LGALS16: variants seen among roughly 807,000 people sequenced by gnomAD.
LGALS16 encodes galectin 16.
LGALS16 carries 15 observed loss-of-function variants against 13.2 expected under a neutral mutation model. The observed-to-expected ratio is 1.13, with a 90% CI of 0.76 to 1.75. The LOEUF (loss-of-function observed/expected upper bound fraction) is 1.75. Among genes scored for constraint, LGALS16 ranks in the 40% most tolerant of loss-of-function variants. The probability of loss-of-function intolerance (pLI) is 0.00; values close to 1 mark genes in which losing one functional copy is unlikely to be tolerated. For missense variants in LGALS16, 198 were observed against 178.4 expected, an observed-to-expected ratio of 1.11 and a Z score of -0.63; for synonymous variants, 66 against 65.4, an observed-to-expected ratio of 1.01 and a Z score of -0.05.
chr19:39,659,933 C>T (rs1349533102), intron 3 of LGALS16, among the ~76,000 whole-genome samples: 2 of 152,182 alleles, frequency 1.3e-5, no homozygotes. Flanking sequence ...GGGTTTCATT[C>T]TTTGCCATTA....
chr19:39,657,645 G>C (rs984453882), intron 1 of LGALS16, among the ~76,000 whole-genome samples: 3 of 152,162 alleles, frequency 2.0e-5, no homozygotes, highest in African/African-American at 7.2e-5. Context: ...AGATTGCACT[G>C]CTAGTAAGAG....
At chr19:39,658,748 C>A in intron 3 of LGALS16, 78 bp downstream of exon 3, 1 of 917,026 alleles carries the variant, frequency 1.1e-6, no homozygotes, top group Non-Finnish European at 1.7e-6. Context: ...GACCTGGCCT[C>A]ACCAGTCCCT....
rs544070747 is a variant in LGALS16 at position 39,660,394 on chromosome 19, G to A, written c.304-1G>A. The A allele has an allele frequency of 6.5e-7, 1 of 1,540,558 alleles. No homozygotes were observed. Among genetic ancestry groups the A allele is most frequent in the African/African-American group, 1.4e-5 (1 of 73,274 alleles). ...TTTCTGATGCATTTTTCCTCTTAAA[G>A]GTAAAGGTAAATGGTGAATACATTT... is the stretch of plus-strand genomic sequence containing the variant. On this transcript the variant is annotated splice_acceptor_variant, in intron 3 of 3. Transcript: ENST00000392051. LOFTEE classifies it high-confidence loss of function.
chr19:39,656,079 T>C, intron 1 of LGALS16, 103 bp downstream of exon 1: 1 of 1,219,244 alleles, frequency 8.2e-7, no homozygotes, highest in Non-Finnish European at 1.2e-6. Context: ...CTACTGTGAA[T>C]GCTTTACTGA....
chr19:39,656,156 G>T (rs1423158448), intron 1 of LGALS16, among the ~76,000 whole-genome samples, 180 bp downstream of exon 1: 1 of 152,166 alleles, frequency 6.6e-6, no homozygotes, highest in Non-Finnish European at 1.5e-5. Context: ...CATGTGGGTT[G>T]TGGATCCTGG....
rs1411697670 is a variant in LGALS16, at chr19:39,657,736, G to A, written c.16-147G>A. The A allele has an allele frequency of 5.8e-6, 5 of 865,188 alleles. No homozygotes were observed. In the East Asian group the frequency reaches 1.3e-4, roughly 22 times the overall value. The allele number at this position is 865,188 out of a possible 1,614,324, so 53.6% of individuals were successfully genotyped here. On this transcript the variant is annotated intron_variant, in intron 1 of 3. Coordinates refer to ENST00000392051, the MANE Select transcript of LGALS16 (RefSeq NM_001190441.3). ...ATGGGTCCACCATACCTTCAGGAAT[G>A]TGGGGCCCTGACTGTGGTAGAGTGA...
At position 39,658,552 on chromosome 19, in the gene LGALS16, T is replaced by C; in HGVS notation, c.185T>C (p.Val62Ala). The change falls in exon 3 of 4, where the codon GTG becomes GCG. Residue 62 changes from valine (V) to alanine (A), a missense_variant. Val to Ala is a moderately conservative substitution (Grantham distance 64). Coordinates refer to ENST00000392051, the MANE Select transcript of LGALS16 (RefSeq NM_001190441.3). ...TTGCGAGTGCACTTAGGCCGTCGTG[T>C]GGTCATGAACAGTCGTGAGTTTGGG... Reference protein sequence around the residue: ...FHLRVHLGRRVVMNSREFGIW... With the variant: ...FHLRVHLGRRAVMNSREFGIW... The C allele has an allele frequency of 6.2e-7, 1 of 1,608,922 alleles. No individual in the cohort carries two copies. The highest frequency in any genetic ancestry group is 8.5e-7 in the Non-Finnish European group (1 of 1,178,990).
intron 3 of LGALS16, 128 bp from the exon 4 acceptor site, chr19:39,660,267 C>A: frequency 3.5e-6 from 3 of 854,602 alleles, no homozygotes; most frequent in Non-Finnish European, 5.4e-6. Context: ...AGAAGTGTAT[C>A]TACAACATTC....
intron 1 of LGALS16, 31 bp from the exon 2 acceptor site, chr19:39,657,852 C>A (rs952485828): frequency 1.1e-5 from 17 of 1,609,840 alleles, no homozygotes; most frequent in Admixed American, 5.0e-5. Flanking sequence ...CCTGACCCTG[C>A]ACCTCTCACT....
intron 3 of LGALS16, among the ~76,000 whole-genome samples, chr19:39,659,732 T>C (rs146499238): frequency 6.6e-6 from 1 of 152,362 alleles, no homozygotes; most frequent in East Asian, 1.9e-4. Flanking sequence ...TTAATACTAA[T>C]AAGGTGACTC....
At chr19:39,658,719 G>A in intron 3 of LGALS16, 49 bp downstream of exon 3, 1 of 1,215,714 alleles carries the variant, frequency 8.2e-7, no homozygotes, top group East Asian at 2.5e-5. Context: ...GGATCCCAGA[G>A]CAGGAGTCAG....
intron 3 of LGALS16, among the ~76,000 whole-genome samples, 172 bp from the exon 4 acceptor site, chr19:39,660,223 T>TTAGAAATAAG (rs1193362056): frequency 6.6e-6 from 1 of 152,186 alleles, no homozygotes; most frequent in Non-Finnish European, 1.5e-5. Context: ...GGTCAGCAAC[T>TTAGAAATAAG]GTCTCAAATA....
chr19:39,658,776 A>T lies in LGALS16; in HGVS notation c.303+106A>T, dbSNP rs147244273. ...CAGTCCCTCAGGGCCCATCTCCCGT[A>T]ACTACCCCTGCCCCAGGTTTTCATC... On this transcript the variant is annotated intron_variant, in intron 3 of 3. Coordinates refer to ENST00000392051, the MANE Select transcript of LGALS16 (RefSeq NM_001190441.3). 14 of 711,676 alleles carry T rather than the reference A, an allele frequency of 2.0e-5. No individual in the cohort carries two copies. In the East Asian group the frequency reaches 3.8e-4, roughly 19 times the overall value. The allele number at this position is 711,676 out of a possible 1,614,324, so 44.1% of individuals were successfully genotyped here.
chr19:39,657,932 T>C lies in LGALS16; in HGVS notation c.65T>C (p.Ile22Thr). 6.2e-7 allele frequency: 1 copy of C among 1,614,016 alleles called. No homozygotes were observed. Among genetic ancestry groups the C allele is most frequent in the Admixed American group, 1.7e-5 (1 of 60,026 alleles). The change falls in exon 2 of 4, where the codon ATC (isoleucine) becomes ACC (threonine). Residue 22 changes from isoleucine (I) to threonine (T), a missense_variant. Transcript: ENST00000392051. ...VSLSVGSCVI[I>T]KGTLIDSSIN... ...TTGTCTGTTGGTTCCTGCGTGATAA[T>C]CAAAGGGACACTGATCGACTCTTCT...
In LGALS16 at chr19:39,660,526, C is replaced by T; in HGVS notation, c.*6C>T. On this transcript the variant is annotated 3_prime_UTR_variant, in exon 4 of 4. Transcript: ENST00000392051. The stretch of plus-strand genomic sequence containing the variant: ...TCAACAATGGACGGAGATGATCACA[C>T]TCCTCATTGTTGAGGAAACCCTCTT... 1 of 1,550,394 alleles carries T rather than the reference C, an allele frequency of 6.4e-7. No individual in the cohort carries two copies. The highest frequency in any genetic ancestry group is 8.7e-7 in the Non-Finnish European group (1 of 1,153,160).
Position 39,660,528 on chromosome 19 carries a change from C to G in LGALS16, c.*8C>G, listed in dbSNP as rs536730057. 6.4e-7 allele frequency: 1 copy of G among 1,550,520 alleles called. No individual in the cohort carries two copies. Among genetic ancestry groups the G allele is most frequent in the East Asian group, 2.4e-5 (1 of 42,406 alleles). ...AACAATGGACGGAGATGATCACACT[C>G]CTCATTGTTGAGGAAACCCTCTTTC... On this transcript the variant is annotated 3_prime_UTR_variant, in exon 4 of 4. Coordinates refer to ENST00000392051, the MANE Select transcript of LGALS16 (RefSeq NM_001190441.3).
intron 1 of LGALS16, among the ~76,000 whole-genome samples, chr19:39,657,358 A>C (rs1973205804): frequency 6.6e-6 from 1 of 152,138 alleles, no homozygotes; most frequent in African/African-American, 2.4e-5. Flanking sequence ...TCACTTGTGC[A>C]AGTACTGGGG....
At chr19:39,656,729 G>A (rs1019878833) in intron 1 of LGALS16, among the ~76,000 whole-genome samples, 1 of 152,040 alleles carries the variant, frequency 6.6e-6, no homozygotes. Context: ...GGTGGGGTCT[G>A]CACAGAGTGA....
intron 3 of LGALS16, 32 bp from the exon 4 acceptor site, chr19:39,660,363 A>G: frequency 6.5e-7 from 1 of 1,539,142 alleles, no homozygotes; most frequent in Non-Finnish European, 8.7e-7. Context: ...TGGGTGGCAT[A>G]CTGTCTTTCT....
Sources: allele counts gnomAD v4.1 joint callset (sites outside exome capture counted in the v4.1 genomes callset), GRCh38; gene constraint gnomAD v4.1.1; transcripts MANE v1.5; gene names NCBI Gene and HGNC (gene_info 2026-07-23, HGNC 2026-07-21).